DNAJC16: variants seen among roughly 807,000 people sequenced by gnomAD.
The protein encoded by DNAJC16 is DnaJ heat shock protein family (Hsp40) member C16, also known as dnaJ homolog subfamily C member 16.
A neutral mutation model predicts 92.7 loss-of-function variants in DNAJC16; 76 were observed. The observed-to-expected ratio is 0.82, with a 90% CI of 0.68 to 0.99. The LOEUF (loss-of-function observed/expected upper bound fraction) is 0.99. Ranked by LOEUF, DNAJC16 falls within the 50% of genes least tolerant of loss-of-function variation. The pLI is 0.00. For synonymous variants in DNAJC16, 328 were observed against 358.7 expected, an observed-to-expected ratio of 0.91 and a Z score of 0.97; for missense variants, 869 against 942.4, an observed-to-expected ratio of 0.92 and a Z score of 1.02.
chr1:15,558,625 C>G (rs1217804427), intron 7 of DNAJC16, among the ~76,000 whole-genome samples: 1 of 152,126 alleles, frequency 6.6e-6, no homozygotes, highest in East Asian at 1.9e-4. Context: ...AGCCTCCATA[C>G]CTGGCCGTGT....
intron 1 of DNAJC16, among the ~76,000 whole-genome samples, chr1:15,528,480 G>T: frequency 6.6e-6 from 1 of 152,102 alleles, no homozygotes; most frequent in East Asian, 1.9e-4. Flanking sequence ...TTAAAGAGCA[G>T]CTTCTCATTT....
intron 7 of DNAJC16, among the ~76,000 whole-genome samples, chr1:15,558,265 C>CTT (rs1638615926): frequency 6.9e-6 from 1 of 144,384 alleles, no homozygotes; most frequent in Admixed American, 7.2e-5. Flanking sequence ...ACTGCAGTCT[C>CTT]TTAAGTCTTG....
chr1:15,547,784 A>G (rs11579378), intron 6 of DNAJC16, among the ~76,000 whole-genome samples: 90,727 of 151,866 alleles, frequency 0.6, 27,971 homozygotes, highest in African/African-American at 0.74. Context: ...GGCTTAGAGC[A>G]GTCATATAAC....
At position 15,546,781 on chromosome 1, in the gene DNAJC16, T is replaced by G. The variant is rs771678915; in HGVS notation, c.774T>G (p.Asn258Lys). The change falls in exon 6 of 15, where the codon AAT (asparagine) becomes AAG (lysine). Residue 258 changes from asparagine to lysine, a missense_variant. Coordinates refer to ENST00000375847, the MANE Select transcript of DNAJC16 (RefSeq NM_015291.4). ...GNLVEKVTNKNYVRFLSGWQQ... is the reference protein window; with the variant it reads ...GNLVEKVTNKKYVRFLSGWQQ... Reference sequence around the variant, plus strand: ...TTCAATTTAAGGTTACAAATAAAAATTACGTCAGATTCCTCTCTGGCTGGC... The same window carrying G: ...TTCAATTTAAGGTTACAAATAAAAAGTACGTCAGATTCCTCTCTGGCTGGC... 6.2e-7 allele frequency: 1 copy of G among 1,611,926 alleles called. No homozygotes were observed. The highest frequency in any genetic ancestry group is 1.1e-5 in the South Asian group (1 of 90,348).
chr1:15,564,036 C>G lies in DNAJC16; in HGVS notation c.1446C>G (p.Leu482=). The G allele has an allele frequency of 6.2e-7, 1 of 1,613,792 alleles. No individual in the cohort carries two copies. The highest frequency in any genetic ancestry group is 8.5e-7 in the Non-Finnish European group (1 of 1,179,670). ...ACAAATTTATCCTCTTGGGCTATCT[C>G]GACCAGCTGCGTAAAGATCCAGCTC... ...ESDKFILLGY[L]DQLRKDPALL... Residue 482 remains leucine, a synonymous_variant, in exon 10 of 15, where the codon CTC becomes CTG. Transcript: ENST00000375847.
rs558483822 is a variant in DNAJC16, at chr1:15,547,272, C to G, written c.864+401C>G. ...AAGCGATTCTTCTGCCTCAGCCTCC[C>G]AAGTAGCTGGGACTACATGTGCGTG... On this transcript the variant is annotated intron_variant, in intron 6 of 14. Transcript: ENST00000375847. Among the ~76,000 whole-genome samples, 5 of 151,858 alleles carry G rather than the reference C, an allele frequency of 3.3e-5. No individual in the cohort carries two copies. In the South Asian group the frequency reaches 1.0e-3, roughly 32 times the overall value.
chr1:15,555,790 G>A (rs1233307627), intron 7 of DNAJC16, among the ~76,000 whole-genome samples: 2 of 151,356 alleles, frequency 1.3e-5, no homozygotes, highest in South Asian at 2.1e-4. Flanking sequence ...TCAGGAGTTC[G>A]AGACCAGCCT....
chr1:15,552,135 G>A (rs931627196), intron 7 of DNAJC16, among the ~76,000 whole-genome samples: 2 of 151,924 alleles, frequency 1.3e-5, no homozygotes, highest in African/African-American at 4.8e-5. Flanking sequence ...GCCTCCCAAA[G>A]TGCTGGGATT....
rs535389075 is a variant in DNAJC16, at chr1:15,557,696, A to G, written c.1024-1830A>G. On this transcript the variant is annotated intron_variant, in intron 7 of 14. Coordinates refer to ENST00000375847, the MANE Select transcript of DNAJC16 (RefSeq NM_015291.4). ...TATTTTTCATCAGTCATTAAAGTTC[A>G]AAATATTTTCTAATATCTGATAGGC... Among the ~76,000 whole-genome samples, 3 of 151,598 alleles carry G rather than the reference A, an allele frequency of 2.0e-5. No individual in the cohort carries two copies. In the South Asian group the frequency reaches 6.2e-4, roughly 31 times the overall value.
chr1:15,568,191 A>G lies in DNAJC16; in HGVS notation c.*14A>G. The G allele has an allele frequency of 6.3e-7, 1 of 1,588,336 alleles. No homozygotes were observed. The highest frequency in any genetic ancestry group is 8.6e-7 in the Non-Finnish European group (1 of 1,167,348). The stretch of plus-strand genomic sequence containing the variant: ...GAACTAGACTGAGAGGATTTTCCAA[A>G]GAGATTTGAACTCTTCAGACTTTTT... On this transcript the variant is annotated 3_prime_UTR_variant, in exon 15 of 15. Coordinates refer to ENST00000375847, the MANE Select transcript of DNAJC16 (RefSeq NM_015291.4).
chr1:15,564,076 G>T lies in DNAJC16; in HGVS notation c.1486G>T (p.Ala496Ser). Residue 496 changes from alanine to serine, a missense_variant, in exon 10 of 15, where the codon GCA becomes TCA. By Grantham distance (99) the Ala-to-Ser change is moderately conservative. Transcript: ENST00000375847. ...AGATCCAGCTCTTCTGTCCTCTGAA[G>T]CAGTGCTTCCTGACCTGACCGATGA... ...RKDPALLSSE[A>S]VLPDLTDELA... is the part of the protein sequence containing the mutation. The T allele has an allele frequency of 6.2e-7, 1 of 1,614,220 alleles. No homozygotes were observed. The highest frequency in any genetic ancestry group is 8.5e-7 in the Non-Finnish European group (1 of 1,180,024).
At chr1:15,542,478 A>G (rs186566988) in intron 4 of DNAJC16, among the ~76,000 whole-genome samples, 1 of 152,270 alleles carries the variant, frequency 6.6e-6, no homozygotes, top group Admixed American at 6.5e-5. Context: ...CTGGCTGATC[A>G]TCTGTCTCCT....
rs574326583 is a variant in DNAJC16, at chr1:15,554,362, C to A, written c.1024-5164C>A. ...GATGTCTTTTTGATGAACATAAATT[C>A]TTTTAGTATATTCACTCATATCAAT... On this transcript the variant is annotated intron_variant, in intron 7 of 14. Coordinates refer to ENST00000375847, the MANE Select transcript of DNAJC16 (RefSeq NM_015291.4). 1.1e-4 allele frequency among the ~76,000 whole-genome samples: 17 copies of A among 152,154 alleles called. 1 individual carries two copies. In the South Asian group the frequency reaches 3.1e-3, roughly 28 times the overall value.
At chr1:15,550,939 G>A (rs1165796253) in intron 7 of DNAJC16, among the ~76,000 whole-genome samples, 1 of 152,158 alleles carries the variant, frequency 6.6e-6, no homozygotes, top group Non-Finnish European at 1.5e-5. Context: ...GCATGATCTC[G>A]GCTCACTGCA....
intron 4 of DNAJC16, among the ~76,000 whole-genome samples, chr1:15,539,316 G>C (rs1710875129): frequency 6.6e-6 from 1 of 151,448 alleles, no homozygotes; most frequent in African/African-American, 2.4e-5. Flanking sequence ...TGCGATCTCT[G>C]CTCACTGCAA....
intron 1 of DNAJC16, among the ~76,000 whole-genome samples, chr1:15,527,451 A>G (rs1380880248): frequency 6.6e-6 from 1 of 152,172 alleles, no homozygotes; most frequent in East Asian, 1.9e-4. Flanking sequence ...AACCCTTTAC[A>G]TGCATTTAGT....
In DNAJC16 at chr1:15,534,273, C is replaced by G. The variant is rs1179292761; in HGVS notation, c.204C>G (p.Asp68Glu). Residue 68 changes from aspartate to glutamate, a missense_variant, in exon 3 of 15, where the codon GAC becomes GAG. Coordinates refer to ENST00000375847, the MANE Select transcript of DNAJC16 (RefSeq NM_015291.4). ...PDKNKDPGAE[D>E]KFIQISKAYE... ...AAAACAAAGATCCTGGAGCAGAAGA[C>G]AAGTTCATTCAAATCAGTAAGGCTT... 4 of 1,613,956 alleles carry G rather than the reference C, an allele frequency of 2.5e-6. No individual in the cohort carries two copies. Among genetic ancestry groups the G allele is most frequent in the Non-Finnish European group, 3.4e-6 (4 of 1,180,004 alleles).
chr1:15,532,794 T>TC (rs1034031135), intron 2 of DNAJC16, among the ~76,000 whole-genome samples: 56 of 152,284 alleles, frequency 3.7e-4, no homozygotes, highest in African/African-American at 1.3e-3. Flanking sequence ...GAGATTTTTT[T>TC]CCCCCACTAA....
At chr1:15,527,206 C>T (rs886880284) in intron 1 of DNAJC16, among the ~76,000 whole-genome samples, 6 of 152,160 alleles carry the variant, frequency 3.9e-5, no homozygotes, top group African/African-American at 1.4e-4. Flanking sequence ...GAGCTTCTTC[C>T]TGGTCCTGGA....
Sources: allele counts gnomAD v4.1 joint callset (sites outside exome capture counted in the v4.1 genomes callset), GRCh38; gene constraint gnomAD v4.1.1; transcripts MANE v1.5; gene names NCBI Gene and HGNC (gene_info 2026-07-23, HGNC 2026-07-21).